Variants in CCBE1 observed in about 807,000 individuals in gnomAD.
CCBE1 encodes collagen and calcium-binding EGF domain-containing protein 1.
In CCBE1, 37 loss-of-function variants were observed where a neutral mutation model predicts 50.0. The ratio of observed to expected loss-of-function variants is 0.74; its 90% CI spans 0.57 to 0.97. The LOEUF is 0.97. Ranked by LOEUF, CCBE1 falls within the 50% of genes least tolerant of loss-of-function variation. The probability of loss-of-function intolerance (pLI) is 0.00; values close to 1 mark genes in which losing one functional copy is unlikely to be tolerated. For synonymous variants in CCBE1, 234 were observed against 203.7 expected, an observed-to-expected ratio of 1.15 and a Z score of -1.27; for missense variants, 538 against 523.8, an observed-to-expected ratio of 1.03 and a Z score of -0.26.
chr18:59,471,261 G>T (rs568904923), intron 3 of CCBE1, among the ~76,000 whole-genome samples: 1 of 152,196 alleles, frequency 6.6e-6, no homozygotes, highest in African/African-American at 2.4e-5. Flanking sequence ...CAACTCTTCT[G>T]ATTCTTTCTA....
intron 2 of CCBE1, among the ~76,000 whole-genome samples, chr18:59,485,693 C>T (rs1322516272): frequency 6.6e-6 from 1 of 151,736 alleles, no homozygotes; most frequent in African/African-American, 2.4e-5. Flanking sequence ...TCCCTGCAAC[C>T]TTTGCCTCCC....
rs552372627 is a variant in CCBE1 at position 59,477,157 on chromosome 18, A to G, written c.265+3029T>C. On this transcript the variant is annotated intron_variant, in intron 3 of 10. Transcript: ENST00000439986. ...GGGAGTTATTGTTCTAGCTGGGGTGACTGATCCTGGCTACCAAGGGGAAAT... is the reference window on the plus strand; with the variant it reads ...GGGAGTTATTGTTCTAGCTGGGGTGGCTGATCCTGGCTACCAAGGGGAAAT... 7.2e-5 allele frequency among the ~76,000 whole-genome samples: 11 copies of G among 152,368 alleles called. No individual in the cohort carries two copies. In the South Asian group the frequency reaches 2.3e-3, roughly 32 times the overall value.
intron 2 of CCBE1, among the ~76,000 whole-genome samples, chr18:59,485,593 T>TATTTATTTA (rs1482812987): frequency 4.5e-4 from 66 of 147,520 alleles, no homozygotes; most frequent in African/African-American, 1.7e-3. Flanking sequence ...GATATTTATT[T>TATTTATTTA]ATTTATTTAT....
chr18:59,561,175 G>A lies in CCBE1; in HGVS notation c.213-80937C>T, dbSNP rs536342547. On this transcript the variant is annotated intron_variant, in intron 2 of 10. Transcript: ENST00000439986. ...AAGGGTAACTCCTATGGTAATCTGC[G>A]CCAATAGCTGGGCAGTTTATCAAAG... is the stretch of plus-strand genomic sequence containing the variant. 4.6e-5 allele frequency among the ~76,000 whole-genome samples: 7 copies of A among 152,314 alleles called. No homozygotes were observed. In the East Asian group the frequency reaches 7.7e-4, roughly 17 times the overall value.
At chr18:59,578,694 C>G (rs187435831) in intron 2 of CCBE1, among the ~76,000 whole-genome samples, 1 of 144,550 alleles carries the variant, frequency 6.9e-6, no homozygotes, top group Admixed American at 6.6e-5. Context: ...GACACAGGAA[C>G]AGAAAACCAC....
At chr18:59,681,350 A>G (rs927294738) in intron 2 of CCBE1, among the ~76,000 whole-genome samples, 8 of 152,262 alleles carry the variant, frequency 5.3e-5, no homozygotes, top group Admixed American at 5.2e-4. Context: ...CTTAGTAAAT[A>G]TAAGAAACAT....
intron 2 of CCBE1, among the ~76,000 whole-genome samples, chr18:59,543,505 A>C (rs1231876497): frequency 6.6e-6 from 1 of 152,200 alleles, no homozygotes; most frequent in Non-Finnish European, 1.5e-5. Flanking sequence ...GTTGAAGACA[A>C]GGATTGTATC....
chr18:59,476,156 C>T (rs1359156205), intron 3 of CCBE1, among the ~76,000 whole-genome samples: 1 of 152,010 alleles, frequency 6.6e-6, no homozygotes, highest in Non-Finnish European at 1.5e-5. Flanking sequence ...TTCTTTATGC[C>T]TCAGCTCCTA....
intron 2 of CCBE1, among the ~76,000 whole-genome samples, chr18:59,561,107 C>G (rs923622249): frequency 2.6e-5 from 4 of 152,176 alleles, no homozygotes; most frequent in Non-Finnish European, 5.9e-5. Flanking sequence ...AAACAGAGTA[C>G]TGAATGAGCT....
Position 59,533,565 on chromosome 18 carries a change from CTTTA to C in CCBE1, c.213-53331_213-53328del, listed in dbSNP as rs547798350. Among the ~76,000 whole-genome samples the C allele has an allele frequency of 1.6e-4, 25 of 152,176 alleles. 1 individual carries two copies. Among genetic ancestry groups the C allele is most frequent in the African/African-American group, 6.0e-4 (25 of 41,524 alleles). The stretch of plus-strand genomic sequence containing the variant: ...AAGAAAATAATGTAAATAGTTTTAA[CTTTA>C]TTCATATATAAAGCATTTTATTGTG... On this transcript the variant is annotated intron_variant, in intron 2 of 10. Transcript: ENST00000439986.
intron 2 of CCBE1, among the ~76,000 whole-genome samples, chr18:59,578,436 C>T (rs989067769): frequency 9.2e-5 from 14 of 152,264 alleles, no homozygotes; most frequent in Admixed American, 5.2e-4. Flanking sequence ...ACCCAGCAAT[C>T]CCATTACTGG....
At chr18:59,694,406 A>G (rs2054778182) in intron 2 of CCBE1, among the ~76,000 whole-genome samples, 1 of 149,826 alleles carries the variant, frequency 6.7e-6, no homozygotes, top group Non-Finnish European at 1.5e-5. Flanking sequence ...TTTAACCTTT[A>G]GTTTAGTGAG....
At chr18:59,534,924 G>C (rs1915189931) in intron 2 of CCBE1, among the ~76,000 whole-genome samples, 1 of 152,172 alleles carries the variant, frequency 6.6e-6, no homozygotes, top group African/African-American at 2.4e-5. Context: ...AGAAAAAACA[G>C]AACAAAACTC....
chr18:59,600,575 G>A (rs919873319), intron 2 of CCBE1, among the ~76,000 whole-genome samples: 1 of 152,128 alleles, frequency 6.6e-6, no homozygotes, highest in African/African-American at 2.4e-5. Flanking sequence ...AACAATGTAG[G>A]TTCCACTGAA....
intron 2 of CCBE1, among the ~76,000 whole-genome samples, chr18:59,520,869 T>C (rs1193150506): frequency 6.6e-6 from 1 of 152,264 alleles, no homozygotes; most frequent in Non-Finnish European, 1.5e-5. Flanking sequence ...TTAACCCAAT[T>C]TGGCACAATG....
At chr18:59,447,833 C>G in intron 7 of CCBE1, 150 bp downstream of exon 7, 1 of 1,157,260 alleles carries the variant, frequency 8.6e-7, no homozygotes, top group Middle Eastern at 2.9e-4. Flanking sequence ...CAGGCTCTCT[C>G]ATTGCATGGG....
chr18:59,625,684 C>T (rs1209505150), intron 2 of CCBE1, among the ~76,000 whole-genome samples: 1 of 149,448 alleles, frequency 6.7e-6, no homozygotes, highest in East Asian at 2.0e-4. Flanking sequence ...CCCAGCCACC[C>T]GCCAATTCTT....
chr18:59,432,010 G>C lies in CCBE1; in HGVS notation c.*3898C>G, dbSNP rs764870989. 6.6e-6 allele frequency: 1 copy of C among 152,276 alleles called. No homozygotes were observed. Among genetic ancestry groups the C allele is most frequent in the Non-Finnish European group, 1.5e-5 (1 of 68,100 alleles). The allele number at this position is 152,276 out of a possible 1,614,324, so 9.4% of individuals were successfully genotyped here. A position where few individuals can be genotyped will look rare whatever the true frequency, so the allele number is the denominator to read the frequency against. ...CACTCTGTAGCCAGGCTGGAGTGCA[G>C]TGGCGCAATCTTGGCTCACTGCAAC... On this transcript the variant is annotated 3_prime_UTR_variant, in exon 11 of 11. Transcript: ENST00000439986.
intron 2 of CCBE1, among the ~76,000 whole-genome samples, chr18:59,654,954 G>A (rs912068255): frequency 2.0e-5 from 3 of 151,804 alleles, no homozygotes; most frequent in African/African-American, 7.3e-5. Context: ...AGGCATGGGG[G>A]TGGGCACCTG....
Sources: allele counts gnomAD v4.1 joint callset (sites outside exome capture counted in the v4.1 genomes callset), GRCh38; gene constraint gnomAD v4.1.1; transcripts MANE v1.5; gene names NCBI Gene and HGNC (gene_info 2026-07-23, HGNC 2026-07-21).